MAGI2: variants seen among roughly 807,000 people sequenced by gnomAD.
MAGI2 encodes the protein membrane-associated guanylate kinase, WW and PDZ domain-containing protein 2.
In MAGI2, 35 loss-of-function variants were observed where a neutral mutation model predicts 133.3. That is an observed-to-expected ratio of 0.26 (90% CI 0.20 to 0.35). The LOEUF is 0.35. Ranked by LOEUF, MAGI2 falls within the 10% of genes least tolerant of loss-of-function variation. The pLI is 1.00. For synonymous variants in MAGI2, 729 were observed against 710.6 expected, an observed-to-expected ratio of 1.03 and a Z score of -0.41; for missense variants, 1,636 against 1,863.4, an observed-to-expected ratio of 0.88 and a Z score of 2.25.
chr7:78,735,015 T>C (rs1563429136), intron 2 of MAGI2, among the ~76,000 whole-genome samples: 1 of 152,188 alleles, frequency 6.6e-6, no homozygotes, highest in Non-Finnish European at 1.5e-5. Flanking sequence ...TTTCGTTACG[T>C]ATAAGTAGGT....
At chr7:78,815,008 G>C (rs1379079637) in intron 2 of MAGI2, among the ~76,000 whole-genome samples, 1 of 152,160 alleles carries the variant, frequency 6.6e-6, no homozygotes, top group African/African-American at 2.4e-5. Flanking sequence ...GATTACAGGT[G>C]AGAGCCACCA....
At chr7:78,448,871 C>T (rs191478386) in intron 6 of MAGI2, among the ~76,000 whole-genome samples, 1 of 152,032 alleles carries the variant, frequency 6.6e-6, no homozygotes, top group Admixed American at 6.6e-5. Flanking sequence ...TAACTAAAGA[C>T]AAGCTTTATC....
chr7:78,645,401 A>C (rs1465187389), intron 2 of MAGI2, among the ~76,000 whole-genome samples: 1 of 152,202 alleles, frequency 6.6e-6, no homozygotes, highest in African/African-American at 2.4e-5. Flanking sequence ...ACATACAAAA[A>C]ACTAATAACA....
rs114896357 is a variant in MAGI2 at position 79,086,692 on chromosome 7, C to A, written c.302-79486G>T. ...ATTGTTGTTGTTTTCTAAATTTATT[C>A]TCATTTTGGTGAACAAAATGAAAAA... On this transcript the variant is annotated intron_variant, in intron 1 of 21. Transcript: ENST00000354212. Among the ~76,000 whole-genome samples, 292 of 151,646 alleles carry A rather than the reference C, an allele frequency of 1.9e-3. 1 individual carries two copies. The highest frequency in any genetic ancestry group is 6.7e-3 in the African/African-American group (277 of 41,436).
intron 5 of MAGI2, among the ~76,000 whole-genome samples, chr7:78,495,057 T>C (rs1793961497): frequency 6.6e-6 from 1 of 152,196 alleles, no homozygotes; most frequent in African/African-American, 2.4e-5. Flanking sequence ...TCAATAGTAG[T>C]AGTGATATAA....
chr7:78,934,090 C>A (rs2151664000), intron 2 of MAGI2, among the ~76,000 whole-genome samples: 1 of 152,136 alleles, frequency 6.6e-6, no homozygotes, highest in African/African-American at 2.4e-5. Flanking sequence ...GCTTAGTTAT[C>A]CAGAACACAT....
intron 1 of MAGI2, chr7:79,411,372 T>C (rs1159283896): frequency 6.6e-6 from 1 of 151,980 alleles, no homozygotes; most frequent in African/African-American, 2.4e-5. Context: ...TCTTTGAAAA[T>C]GGAAGAGAGA....
intron 21 of MAGI2, among the ~76,000 whole-genome samples, chr7:78,063,090 C>A (rs1813447339): frequency 6.6e-6 from 1 of 152,164 alleles, no homozygotes; most frequent in Non-Finnish European, 1.5e-5. Flanking sequence ...ATTTTAACTG[C>A]CTGCATTTTT....
chr7:78,813,213 CA>C (rs1408400421), intron 2 of MAGI2, among the ~76,000 whole-genome samples: 2 of 152,076 alleles, frequency 1.3e-5, no homozygotes, highest in African/African-American at 4.8e-5. Flanking sequence ...TTATGAGGCC[CA>C]AATTAACATT....
chr7:78,724,051 G>A (rs1458223332), intron 2 of MAGI2, among the ~76,000 whole-genome samples: 2 of 152,154 alleles, frequency 1.3e-5, no homozygotes, highest in Non-Finnish European at 2.9e-5. Flanking sequence ...GTCAATCACT[G>A]AGACAATGAG....
chr7:79,115,075 C>A (rs909111779), intron 1 of MAGI2, among the ~76,000 whole-genome samples: 3 of 152,204 alleles, frequency 2.0e-5, no homozygotes, highest in African/African-American at 7.2e-5. Flanking sequence ...TACTTTGAAT[C>A]TGCCTTAGCA....
chr7:78,892,460 T>C (rs12113946), intron 2 of MAGI2, among the ~76,000 whole-genome samples: 148,392 of 152,026 alleles, frequency 0.98, 72,507 homozygotes, highest in South Asian at 1. Flanking sequence ...GGAGGCATCA[T>C]GCTACCTGAC....
intron 1 of MAGI2, among the ~76,000 whole-genome samples, chr7:79,183,591 A>T (rs2129550492): frequency 6.6e-6 from 1 of 151,974 alleles, no homozygotes; most frequent in East Asian, 1.9e-4. Context: ...TTTCTAAAGA[A>T]TTCCCAATAT....
intron 1 of MAGI2, among the ~76,000 whole-genome samples, chr7:79,135,399 C>G (rs529807541): frequency 1.3e-5 from 2 of 152,106 alleles, no homozygotes; most frequent in Admixed American, 6.6e-5. Context: ...AAGGAAGAAA[C>G]TCTCAGAGAC....
At chr7:79,426,924 G>C (rs1396685855) in intron 1 of MAGI2, among the ~76,000 whole-genome samples, 1 of 152,030 alleles carries the variant, frequency 6.6e-6, no homozygotes, top group South Asian at 2.1e-4. Flanking sequence ...CTGTATGCCT[G>C]GATGGTTCTG....
intron 20 of MAGI2, 85 bp downstream of exon 20, chr7:78,125,609 G>A (rs1186480570): frequency 9.8e-6 from 14 of 1,435,142 alleles, no homozygotes; most frequent in Non-Finnish European, 1.2e-5. Context: ...AACCCCGCTT[G>A]ACAGCATGCT....
At chr7:79,398,275 T>A (rs1290304029) in intron 1 of MAGI2, among the ~76,000 whole-genome samples, 2 of 152,190 alleles carry the variant, frequency 1.3e-5, no homozygotes, top group Non-Finnish European at 2.9e-5. Context: ...AAAATCTTTT[T>A]TCTTAGAAGC....
chr7:79,223,103 T>C (rs931581531), intron 1 of MAGI2, among the ~76,000 whole-genome samples: 10 of 152,006 alleles, frequency 6.6e-5, no homozygotes, highest in African/African-American at 2.2e-4. Flanking sequence ...GCCAGGATGG[T>C]CTCGATCTCC....
chr7:78,728,089 T>C (rs1251142441), intron 2 of MAGI2, among the ~76,000 whole-genome samples: 1 of 152,186 alleles, frequency 6.6e-6, no homozygotes, highest in Non-Finnish European at 1.5e-5. Flanking sequence ...AACTAGATAC[T>C]ATCTTATTTG....
Sources: gnomAD v4.1 joint callset for allele counts (sites outside exome capture counted in the v4.1 genomes callset) on GRCh38, gnomAD v4.1.1 for gene constraint, MANE v1.5 for transcripts, NCBI Gene and HGNC (gene_info 2026-07-23, HGNC 2026-07-21) for gene names.